SNX24: variants seen among roughly 807,000 people sequenced by gnomAD.
SNX24 encodes the protein sorting nexin 24, also known as sorting nexin-24.
SNX24 carries 22 observed loss-of-function variants against 28.7 expected under a neutral mutation model. The observed-to-expected ratio is 0.77, with a 90% CI of 0.55 to 1.10. SNX24 has a LOEUF of 1.10. Among genes scored for constraint, SNX24 ranks in the 50% least tolerant of loss-of-function variants. SNX24 has a pLI of 0.00. For missense variants in SNX24, 221 were observed against 201.1 expected, an observed-to-expected ratio of 1.10 and a Z score of -0.60; for synonymous variants, 69 against 71.5, an observed-to-expected ratio of 0.96 and a Z score of 0.18.
chr5:123,011,415 C>G (rs1762575951), downstream of SNX24, among the ~76,000 whole-genome samples: 2 of 152,204 alleles, frequency 1.3e-5, no homozygotes, highest in Middle Eastern at 3.2e-3. Context: ...CCATTACAAT[C>G]AGCCATGTGA....
intron 3 of SNX24, among the ~76,000 whole-genome samples, chr5:122,947,907 T>C (rs994368007): frequency 6.6e-6 from 1 of 152,208 alleles, no homozygotes; most frequent in Non-Finnish European, 1.5e-5. Flanking sequence ...GTAAACATTT[T>C]AAGTTGTTTG....
At chr5:122,892,728 G>A (rs1019351400) in intron 1 of SNX24, among the ~76,000 whole-genome samples, 7 of 151,288 alleles carry the variant, frequency 4.6e-5, no homozygotes, top group African/African-American at 7.3e-5. Context: ...GTGAGCCACC[G>A]TGCCCAGCCC....
intron 1 of SNX24, among the ~76,000 whole-genome samples, chr5:122,875,116 C>T (rs1182478059): frequency 6.6e-6 from 1 of 152,126 alleles, no homozygotes; most frequent in Non-Finnish European, 1.5e-5. Context: ...CTAATGCTTT[C>T]AAGTAAACAT....
chr5:122,954,347 G>A (rs948617652), intron 3 of SNX24, among the ~76,000 whole-genome samples: 6 of 151,948 alleles, frequency 3.9e-5, no homozygotes, highest in Non-Finnish European at 8.8e-5. Flanking sequence ...TAAATGTCTT[G>A]TATTTTAACT....
intron 1 of SNX24, among the ~76,000 whole-genome samples, chr5:122,894,840 G>T (rs1482060661): frequency 6.6e-6 from 1 of 152,002 alleles, no homozygotes; most frequent in Admixed American, 6.6e-5. Flanking sequence ...ATAGAAGTGG[G>T]GTGAGACAAA....
intron 5 of SNX24, among the ~76,000 whole-genome samples, chr5:123,014,824 C>T (rs1762653577): frequency 6.6e-6 from 1 of 152,188 alleles, no homozygotes; most frequent in East Asian, 1.9e-4. Context: ...CAACAGTGGC[C>T]TTTCAGTTCC....
chr5:122,909,198 GAT>G (rs990971983), intron 1 of SNX24, among the ~76,000 whole-genome samples: 6 of 152,150 alleles, frequency 3.9e-5, no homozygotes, highest in African/African-American at 1.4e-4. Context: ...AAGGCATTCA[GAT>G]ATGTTAGAAT....
intron 1 of SNX24, among the ~76,000 whole-genome samples, chr5:122,886,502 A>G (rs1756721970): frequency 6.6e-6 from 1 of 152,148 alleles, no homozygotes; most frequent in African/African-American, 2.4e-5. Flanking sequence ...TATTTGTTGT[A>G]TATGTTTCTA....
intron 1 of SNX24, among the ~76,000 whole-genome samples, chr5:122,851,234 G>A (rs1199903759): frequency 2.6e-5 from 4 of 151,770 alleles, no homozygotes; most frequent in Middle Eastern, 3.4e-3. Context: ...GTGTGATCTC[G>A]GCTTACTGCA....
intron 1 of SNX24, among the ~76,000 whole-genome samples, chr5:122,906,458 C>T (rs1427285666): frequency 1.3e-5 from 2 of 152,306 alleles, no homozygotes; most frequent in East Asian, 3.9e-4. Flanking sequence ...ACTTGACATG[C>T]ATAATCTCAT....
intron 1 of SNX24, among the ~76,000 whole-genome samples, chr5:122,934,482 C>T (rs1395536500): frequency 1.3e-5 from 2 of 152,050 alleles, no homozygotes; most frequent in East Asian, 3.9e-4. Context: ...GCCTCAGCCT[C>T]CCAAGCAGCT....
At chr5:123,010,292 CTT>C (rs111250838), downstream of SNX24, among the ~76,000 whole-genome samples, 28,744 of 146,102 alleles carry the variant, frequency 0.2, 3,456 homozygotes, top group Non-Finnish European at 0.29. Context: ...GATGATGGAA[CTT>C]TTTTTTTTTT....
exon 6 of SNX24, chr5:123,029,298 G>T (rs777499045): frequency 1.2e-6 from 2 of 1,614,052 alleles, no homozygotes; most frequent in Non-Finnish European, 1.7e-6. Context: ...ATAAAATTGA[G>T]ACATACCTCT....
At chr5:123,001,484 A>G in intron 5 of SNX24, 47 bp downstream of exon 5, 1 of 1,353,824 alleles carries the variant, frequency 7.4e-7, no homozygotes, top group Non-Finnish European at 1.0e-6. Flanking sequence ...TGGTTTTGCT[A>G]AATGTTTAAT....
chr5:122,935,446 A>G (rs1191666101), intron 1 of SNX24, among the ~76,000 whole-genome samples: 1 of 152,178 alleles, frequency 6.6e-6, no homozygotes, highest in African/African-American at 2.4e-5. Context: ...AAATATTTCT[A>G]ATAGTTCACC....
chr5:122,905,319 C>T (rs571884764), intron 1 of SNX24, among the ~76,000 whole-genome samples: 62 of 152,148 alleles, frequency 4.1e-4, no homozygotes, highest in Middle Eastern at 3.4e-3. Flanking sequence ...ATTCTGCCAG[C>T]GCACCCTGAG....
At chr5:122,993,297 C>CTT (rs34422739) in intron 3 of SNX24, among the ~76,000 whole-genome samples, 1,380 of 114,190 alleles carry the variant, frequency 0.012, 33 homozygotes, top group African/African-American at 0.029. Context: ...TAGTGGCTGC[C>CTT]TTTTTTTTTT....
chr5:122,970,445 G>A (rs1048514598), intron 3 of SNX24, among the ~76,000 whole-genome samples: 3 of 151,986 alleles, frequency 2.0e-5, no homozygotes, highest in Admixed American at 2.0e-4. Flanking sequence ...CTTAGGCCAG[G>A]TATTCGGAAT....
chr5:122,967,996 G>C (rs1760784922), intron 3 of SNX24, among the ~76,000 whole-genome samples: 1 of 152,142 alleles, frequency 6.6e-6, no homozygotes, highest in African/African-American at 2.4e-5. Flanking sequence ...AACAAATCTT[G>C]GAGAGAATAA....
Sources: allele counts gnomAD v4.1 joint callset (sites outside exome capture counted in the v4.1 genomes callset), GRCh38; gene constraint gnomAD v4.1.1; transcripts MANE v1.5; gene names NCBI Gene and HGNC (gene_info 2026-07-23, HGNC 2026-07-21).